Variants in PHKB observed in about 807,000 individuals in gnomAD.
The protein encoded by PHKB is phosphorylase kinase regulatory subunit beta, also known as phosphorylase b kinase regulatory subunit beta.
Under a neutral mutation model 152.1 loss-of-function variants are expected in PHKB, and 122 were observed. That is an observed-to-expected ratio of 0.80 (90% CI 0.69 to 0.93). The LOEUF is 0.93. Ranked by LOEUF, PHKB falls within the 40% of genes least tolerant of loss-of-function variation. The probability of loss-of-function intolerance (pLI) is 0.00; values close to 1 mark genes in which losing one functional copy is unlikely to be tolerated. For synonymous variants in PHKB, 436 were observed against 464.9 expected (o/e 0.94, Z 0.80); for missense variants, 1,304 against 1,328.4 (o/e 0.98, Z 0.29).
At position 47,656,188 on chromosome 16, in the gene PHKB, T is replaced by G. The variant is rs28405972; in HGVS notation, c.1972-4318T>G. 4.2e-3 allele frequency among the ~76,000 whole-genome samples: 634 copies of G among 152,174 alleles called. 6 individuals carry two copies. Among genetic ancestry groups the G allele is most frequent in the African/African-American group, 0.015 (604 of 41,496 alleles). Reference sequence around the variant, plus strand: ...ATGTGCCACCATGCCAGGGTAATTTTTTGTATTTTTAGTAGAGATGGGGTT... The same window carrying G: ...ATGTGCCACCATGCCAGGGTAATTTGTTGTATTTTTAGTAGAGATGGGGTT... On this transcript the variant is annotated intron_variant, in intron 20 of 30. Transcript: ENST00000323584.
intron 14 of PHKB, among the ~76,000 whole-genome samples, chr16:47,625,514 C>T (rs1972694248): frequency 6.6e-6 from 1 of 152,102 alleles, no homozygotes; most frequent in African/African-American, 2.4e-5. Flanking sequence ...TTCTCCAGCA[C>T]TTCAGGGTCT....
intron 13 of PHKB, among the ~76,000 whole-genome samples, chr16:47,607,642 CTTTATATAAAA>C (rs1435051576): frequency 6.6e-6 from 1 of 152,132 alleles, no homozygotes; most frequent in Admixed American, 6.5e-5. Context: ...CTGCTATAAA[CTTTATATAAAA>C]TTATTGTTTA....
chr16:47,620,589 G>GT (rs1209791331), intron 14 of PHKB, among the ~76,000 whole-genome samples: 3 of 152,094 alleles, frequency 2.0e-5, no homozygotes, highest in Non-Finnish European at 4.4e-5. Flanking sequence ...GTAAAGAGAT[G>GT]TTCTGGCCGG....
At chr16:47,558,835 C>A (rs1469938203) in intron 7 of PHKB, among the ~76,000 whole-genome samples, 1 of 152,334 alleles carries the variant, frequency 6.6e-6, no homozygotes, top group Non-Finnish European at 1.5e-5. Flanking sequence ...CAGGCATGAG[C>A]CACTGTGCCC....
At chr16:47,629,465 C>T (rs1391360985) in intron 14 of PHKB, among the ~76,000 whole-genome samples, 37 of 151,876 alleles carry the variant, frequency 2.4e-4, no homozygotes, top group Admixed American at 2.3e-3. Context: ...AAATCAAAAC[C>T]ACAATGAGAT....
chr16:47,512,736 G>T (rs1221466909), intron 5 of PHKB, among the ~76,000 whole-genome samples: 1 of 151,904 alleles, frequency 6.6e-6, no homozygotes, highest in Non-Finnish European at 1.5e-5. Context: ...GTTGTTTCTG[G>T]GATACAAATA....
chr16:47,692,570 C>T (rs1423282164), intron 27 of PHKB, among the ~76,000 whole-genome samples: 2 of 151,882 alleles, frequency 1.3e-5, no homozygotes, highest in Non-Finnish European at 1.5e-5. Context: ...GAGCTATGAT[C>T]GAGCCATTGC....
intron 1 of PHKB, among the ~76,000 whole-genome samples, chr16:47,492,815 T>G (rs1383942383): frequency 6.6e-6 from 1 of 152,194 alleles, no homozygotes; most frequent in African/African-American, 2.4e-5. Context: ...AGATTTGGTT[T>G]GCATCTCACT....
At chr16:47,639,858 T>C (rs149322094) in intron 14 of PHKB, among the ~76,000 whole-genome samples, 2,770 of 152,256 alleles carry the variant, frequency 0.018, 30 homozygotes, top group Middle Eastern at 0.031. Context: ...CCAAGAGAAA[T>C]AGGGCTTAAT....
At chr16:47,674,169 C>CCTTTCAAAACTGACAG (rs1973685658) in intron 26 of PHKB, among the ~76,000 whole-genome samples, 1 of 136,958 alleles carries the variant, frequency 7.3e-6, no homozygotes, top group South Asian at 2.3e-4. Context: ...TTTTTTTTTT[C>CCTTTCAAAACTGACAG]GTCTTTTGTC....
chr16:47,504,553 G>A (rs1352266427), intron 4 of PHKB, among the ~76,000 whole-genome samples: 1 of 152,228 alleles, frequency 6.6e-6, no homozygotes, highest in Non-Finnish European at 1.5e-5. Flanking sequence ...GTGGTTAGCA[G>A]TCTCAGGCCT....
In PHKB at chr16:47,669,380, C is replaced by A. The variant is rs142281844; in HGVS notation, c.2593C>A (p.Pro865Thr). 1.9e-6 allele frequency: 3 copies of A among 1,614,028 alleles called. No homozygotes were observed. In the South Asian group the frequency reaches 3.3e-5, roughly 18 times the overall value. ...TATTGGCTGGATCATCTCCAATAAC[C>A]CTGAGTTATTCAGTGGCATGCTGAA... ...IHIGWIISNN[P>T]ELFSGMLKIR... The change falls in exon 26 of 31, where the codon CCT becomes ACT. Residue 865 changes from proline to threonine, a missense_variant. Pro to Thr is a conservative substitution (Grantham distance 38). Coordinates refer to ENST00000323584, the MANE Select transcript of PHKB (RefSeq NM_000293.3).
At chr16:47,505,074 G>C (rs779077680) in intron 4 of PHKB, among the ~76,000 whole-genome samples, 1 of 152,194 alleles carries the variant, frequency 6.6e-6, no homozygotes, top group Non-Finnish European at 1.5e-5. Flanking sequence ...TTCCCTCCAA[G>C]GTTTCTCTCA....
intron 4 of PHKB, among the ~76,000 whole-genome samples, chr16:47,507,088 C>T (rs1016881623): frequency 6.6e-6 from 1 of 152,264 alleles, no homozygotes; most frequent in East Asian, 1.9e-4. Flanking sequence ...ACCCTCCCAC[C>T]TCAGCCTCCC....
intron 1 of PHKB, chr16:47,463,829 C>A: frequency 9.5e-7 from 1 of 1,050,256 alleles, no homozygotes; most frequent in South Asian, 1.3e-5. Flanking sequence ...AATAACTGCT[C>A]ACACTGCTTT....
At chr16:47,489,965 C>G (rs1164121196) in intron 1 of PHKB, among the ~76,000 whole-genome samples, 1 of 152,106 alleles carries the variant, frequency 6.6e-6, no homozygotes, top group Non-Finnish European at 1.5e-5. Context: ...CAAACATGCT[C>G]CAAATTTTGT....
intron 10 of PHKB, among the ~76,000 whole-genome samples, chr16:47,592,287 C>T (rs941238378): frequency 3.9e-5 from 6 of 152,208 alleles, no homozygotes; most frequent in Non-Finnish European, 7.3e-5. Flanking sequence ...GCTGAGTATT[C>T]ACCTGTGGTT....
intron 18 of PHKB, 123 bp from the exon 19 acceptor site, chr16:47,650,421 C>G: frequency 1.4e-6 from 1 of 707,818 alleles, no homozygotes; most frequent in Non-Finnish European, 2.6e-6. Flanking sequence ...CTAAGTTATT[C>G]AGGGTTGGAT....
At chr16:47,500,003 C>T (rs571067143) in intron 3 of PHKB, 109 bp downstream of exon 3, 17 of 1,195,098 alleles carry the variant, frequency 1.4e-5, no homozygotes, top group African/African-American at 4.5e-5. Context: ...ACTCACTGTG[C>T]GACCTATGAC....
Sources: gnomAD v4.1 joint callset for allele counts (sites outside exome capture counted in the v4.1 genomes callset) on GRCh38, gnomAD v4.1.1 for gene constraint, MANE v1.5 for transcripts, NCBI Gene and HGNC (gene_info 2026-07-23, HGNC 2026-07-21) for gene names.